The following LUZP2 variants were observed in gnomAD, a reference collection of about 807,000 sequenced individuals.
LUZP2 encodes the protein leucine zipper protein 2.
LUZP2 carries 52 observed loss-of-function variants against 51.6 expected under a neutral mutation model. The observed-to-expected ratio is 1.01, with a 90% confidence interval of 0.81 to 1.27. The LOEUF is 1.27. LUZP2 is among the 50% of genes most tolerant of loss of function. The pLI is 0.00. For missense variants in LUZP2, 436 were observed against 395.4 expected (o/e 1.10, Z -0.87); for synonymous variants, 154 against 137.3 (o/e 1.12, Z -0.85).
intron 1 of LUZP2, among the ~76,000 whole-genome samples, chr11:24,538,233 T>C (rs1479294232): frequency 6.6e-6 from 1 of 151,810 alleles, no homozygotes; most frequent in African/African-American, 2.4e-5. Context: ...AAAATTAAAA[T>C]AGTAATAATG....
intron 5 of LUZP2, among the ~76,000 whole-genome samples, chr11:24,826,190 A>AAAAATATATATATATATATATATAT (rs1215786412): frequency 4.4e-5 from 3 of 67,536 alleles, no homozygotes; most frequent in African/African-American, 1.8e-4. Context: ...AAAAAAAAAA[A>AAAAATATATATATATATATATATAT]ATATATATAT....
At chr11:24,919,414 C>T (rs58742343) in intron 7 of LUZP2, among the ~76,000 whole-genome samples, 968 of 26,722 alleles carry the variant, frequency 0.036, 285 homozygotes, top group East Asian at 0.32. Flanking sequence ...TTATATATGA[C>T]ATATATTGAT....
chr11:24,618,008 A>T (rs572096386), intron 1 of LUZP2, among the ~76,000 whole-genome samples: 1 of 152,140 alleles, frequency 6.6e-6, no homozygotes, highest in African/African-American at 2.4e-5. Flanking sequence ...CTACTGCCAG[A>T]TAGTGGAAGA....
chr11:24,626,155 G>A lies in LUZP2; in HGVS notation c.63-103014G>A, dbSNP rs1854673711. On this transcript the variant is annotated intron_variant, in intron 1 of 11. Coordinates refer to ENST00000336930, the MANE Select transcript of LUZP2 (RefSeq NM_001009909.4). ...GTGCCAAACAGAGAAGTGAATACTGGTGATTCATCAACAAATGGCAGCCAT... is the reference window on the plus strand; with the variant it reads ...GTGCCAAACAGAGAAGTGAATACTGATGATTCATCAACAAATGGCAGCCAT... 2.0e-5 allele frequency among the ~76,000 whole-genome samples: 3 copies of A among 152,204 alleles called. No individual in the cohort carries two copies. The South Asian group carries it at 6.2e-4, about 32-fold the overall frequency.
At chr11:25,065,257 TGGTACATCTTTATTAA>T (rs747464348) in intron 10 of LUZP2, among the ~76,000 whole-genome samples, 1 of 152,040 alleles carries the variant, frequency 6.6e-6, no homozygotes, top group Admixed American at 6.6e-5. Context: ...AGTCATCACC[TGGTACATCTTTATTAA>T]GGGCCAAGTG....
intron 7 of LUZP2, among the ~76,000 whole-genome samples, chr11:24,965,665 T>G (rs1312089775): frequency 6.6e-6 from 1 of 151,836 alleles, no homozygotes; most frequent in Non-Finnish European, 1.5e-5. Flanking sequence ...ACATATAAAT[T>G]TTTTAATTAA....
At chr11:24,695,288 AGCAAGT>A (rs1267061042) in intron 1 of LUZP2, among the ~76,000 whole-genome samples, 1 of 152,114 alleles carries the variant, frequency 6.6e-6, no homozygotes, top group Non-Finnish European at 1.5e-5. Flanking sequence ...AAGTGACTAA[AGCAAGT>A]TTTAGAATTA....
At chr11:24,634,089 A>G (rs1754833583) in intron 1 of LUZP2, among the ~76,000 whole-genome samples, 1 of 151,994 alleles carries the variant, frequency 6.6e-6, no homozygotes, top group Non-Finnish European at 1.5e-5. Context: ...CAAACTTACT[A>G]GAAGTATGAT....
At chr11:24,654,109 T>A (rs1373834234) in intron 1 of LUZP2, among the ~76,000 whole-genome samples, 2 of 152,108 alleles carry the variant, frequency 1.3e-5, no homozygotes. Context: ...AAGATATACA[T>A]ACAAAGAGGT....
At chr11:24,708,362 C>T (rs1857683325) in intron 1 of LUZP2, among the ~76,000 whole-genome samples, 1 of 152,122 alleles carries the variant, frequency 6.6e-6, no homozygotes, top group Non-Finnish European at 1.5e-5. Context: ...ACAAAATCAA[C>T]CATTAGAAAG....
chr11:24,950,620 A>G (rs1855047635), intron 7 of LUZP2, among the ~76,000 whole-genome samples: 1 of 151,810 alleles, frequency 6.6e-6, no homozygotes, highest in East Asian at 1.9e-4. Flanking sequence ...GAAGCAATAC[A>G]GCTAATGAAT....
intron 7 of LUZP2, among the ~76,000 whole-genome samples, chr11:24,920,692 A>G (rs956062972): frequency 6.6e-6 from 1 of 150,424 alleles, no homozygotes; most frequent in Non-Finnish European, 1.5e-5. Flanking sequence ...AGACACAGAA[A>G]TAAAAAAAAA....
chr11:24,965,806 C>T (rs1855566168), intron 7 of LUZP2, among the ~76,000 whole-genome samples: 3 of 151,834 alleles, frequency 2.0e-5, no homozygotes, highest in African/African-American at 7.2e-5. Flanking sequence ...GTTTTGTCTA[C>T]TCTGGTACAT....
intron 5 of LUZP2, among the ~76,000 whole-genome samples, chr11:24,821,411 A>T (rs1207734833): frequency 1.3e-5 from 2 of 152,142 alleles, no homozygotes; most frequent in Non-Finnish European, 2.9e-5. Context: ...TAGCATTTTG[A>T]GTTCTAAACA....
chr11:25,022,765 A>G (rs933995197), intron 9 of LUZP2, among the ~76,000 whole-genome samples: 1 of 152,012 alleles, frequency 6.6e-6, no homozygotes, highest in African/African-American at 2.4e-5. Flanking sequence ...GGCCCATTCA[A>G]TATGATAATG....
At chr11:24,705,154 A>C (rs773019212) in intron 1 of LUZP2, among the ~76,000 whole-genome samples, 7 of 152,028 alleles carry the variant, frequency 4.6e-5, no homozygotes, top group Non-Finnish European at 1.0e-4. Flanking sequence ...AATACCAAAG[A>C]TAGTAAAGTT....
chr11:24,504,472 TC>T (rs1850092210), intron 1 of LUZP2, among the ~76,000 whole-genome samples: 1 of 152,162 alleles, frequency 6.6e-6, no homozygotes, highest in African/African-American at 2.4e-5. Context: ...TTGAATATGT[TC>T]TTTAACCATT....
At chr11:24,911,393 G>T (rs1853629003) in intron 6 of LUZP2, among the ~76,000 whole-genome samples, 1 of 152,118 alleles carries the variant, frequency 6.6e-6, no homozygotes, top group African/African-American at 2.4e-5. Context: ...ACCTTGATTT[G>T]TAATCCCATA....
At chr11:24,923,751 T>C (rs1590736157) in intron 7 of LUZP2, among the ~76,000 whole-genome samples, 2 of 152,054 alleles carry the variant, frequency 1.3e-5, no homozygotes, top group Non-Finnish European at 1.5e-5. Flanking sequence ...TAATTCCTTG[T>C]GGGCCCCAAG....
Sources: gnomAD v4.1 joint callset for allele counts (sites outside exome capture counted in the v4.1 genomes callset) on GRCh38, gnomAD v4.1.1 for gene constraint, MANE v1.5 for transcripts, NCBI Gene and HGNC (gene_info 2026-07-23, HGNC 2026-07-21) for gene names.